PTPRO: variants seen among roughly 807,000 people sequenced by gnomAD.
PTPRO encodes protein tyrosine phosphatase receptor type O.
Under a neutral mutation model 145.2 loss-of-function variants are expected in PTPRO, and 62 were observed. That is an observed-to-expected ratio of 0.43 (90% confidence interval 0.35 to 0.53). The LOEUF (loss-of-function observed/expected upper bound fraction) is 0.53. Ranked by LOEUF, PTPRO falls within the 20% of genes least tolerant of loss-of-function variation. The pLI, the probability that PTPRO is intolerant of heterozygous loss-of-function variation, is 0.01. For synonymous variants in PTPRO, 565 were observed against 514.7 expected (o/e 1.10, Z -1.32); for missense variants, 1,345 against 1,482.7 (o/e 0.91, Z 1.53).
In PTPRO at chr12:15,565,617, G is replaced by T; in HGVS notation, c.2736G>T (p.Arg912Ser). ...NPWSKNGLKK[R>S]KLTNPVQLDD... ...GGAGTAAAAATGGTTTAAAGAAGAG[G>T]AAACTGACAAAGTAAGTTTTTCTTA... is the stretch of plus-strand genomic sequence containing the variant. Residue 912 changes from arginine to serine, a missense_variant, in exon 18 of 27, where the codon AGG becomes AGT. Arg to Ser is a moderately radical substitution (Grantham distance 110). This residue lies in a region of PTPRO where 1,130 missense variants were observed against 1,214.7 expected (regional missense o/e 0.93). Coordinates refer to ENST00000281171, the MANE Select transcript of PTPRO (RefSeq NM_030667.3). The T allele has an allele frequency of 1.4e-6, 2 of 1,453,206 alleles. No homozygotes were observed. The highest frequency in any genetic ancestry group is 1.1e-5 in the South Asian group (1 of 87,050). The allele number at this position is 1,453,206 out of a possible 1,614,324, so 90.0% of individuals were successfully genotyped here. A position where few individuals can be genotyped will look rare whatever the true frequency, so the allele number is the denominator to read the frequency against.
At position 15,524,256 on chromosome 12, in the gene PTPRO, G is replaced by A. The variant is rs552728012; in HGVS notation, c.1892-558G>A. 1.9e-4 allele frequency among the ~76,000 whole-genome samples: 29 copies of A among 151,368 alleles called. No individual in the cohort carries two copies. The South Asian group carries it at 2.7e-3, about 14-fold the overall frequency. ...GAGCCTGTTTTCTGCAAAGCACTGG[G>A]CTAGACACTGTCAAAAATAATGTCT... On this transcript the variant is annotated intron_variant, in intron 10 of 26. Coordinates refer to ENST00000281171, the MANE Select transcript of PTPRO (RefSeq NM_030667.3).
chr12:15,413,362 C>T (rs971242103), intron 1 of PTPRO, among the ~76,000 whole-genome samples: 8 of 152,186 alleles, frequency 5.3e-5, no homozygotes, highest in Middle Eastern at 3.4e-3. Context: ...TTTCTCAAAG[C>T]GCTGGGATTA....
intron 22 of PTPRO, 111 bp from the exon 23 acceptor site, chr12:15,581,568 A>G (rs1944317995): frequency 7.7e-7 from 1 of 1,293,242 alleles, no homozygotes; most frequent in Non-Finnish European, 1.1e-6. Flanking sequence ...CATCTTCACC[A>G]CGGTCCTATC....
intron 10 of PTPRO, among the ~76,000 whole-genome samples, chr12:15,522,678 A>C (rs1408730974): frequency 6.6e-6 from 1 of 152,198 alleles, no homozygotes; most frequent in African/African-American, 2.4e-5. Context: ...ATTTATTAGG[A>C]ACTCAAGTCT....
intron 9 of PTPRO, among the ~76,000 whole-genome samples, chr12:15,518,902 T>C (rs1942654025): frequency 6.6e-6 from 1 of 152,178 alleles, no homozygotes; most frequent in African/African-American, 2.4e-5. Context: ...CACATTTTAC[T>C]GTCTTCTGAG....
chr12:15,407,275 G>C (rs545002771), intron 1 of PTPRO, among the ~76,000 whole-genome samples: 1 of 152,252 alleles, frequency 6.6e-6, no homozygotes, highest in South Asian at 2.1e-4. Flanking sequence ...CTGGACCCTG[G>C]TGTGGCTGCT....
chr12:15,360,744 C>A (rs1401058649), intron 1 of PTPRO, among the ~76,000 whole-genome samples: 1 of 141,502 alleles, frequency 7.1e-6, no homozygotes, highest in Non-Finnish European at 1.5e-5. Flanking sequence ...AACACACACA[C>A]TATGTGTGTG....
chr12:15,466,145 C>CT (rs1428768030), intron 1 of PTPRO, among the ~76,000 whole-genome samples: 1 of 151,952 alleles, frequency 6.6e-6, no homozygotes, highest in African/African-American at 2.4e-5. Context: ...TAATCAAAAT[C>CT]TTTTTGTTCA....
intron 1 of PTPRO, among the ~76,000 whole-genome samples, chr12:15,342,141 A>T (rs143142309): frequency 1.1e-3 from 160 of 152,290 alleles, no homozygotes; most frequent in African/African-American, 3.1e-3. Context: ...TTCTTTTTAT[A>T]AACTAAAGTT....
Position 15,526,248 on chromosome 12 carries a change from GC to G in PTPRO, c.2152del (p.Val719SerfsTer3). 1 of 1,613,920 alleles carries G rather than the reference GC, an allele frequency of 6.2e-7. No individual in the cohort carries two copies. The highest frequency in any genetic ancestry group is 1.1e-5 in the South Asian group (1 of 91,074). Reference sequence around the variant, plus strand: ...AGAGGAAGTAATACCTCCATGCTCCGCCTTGTCAAGCTAGGTAAGAAGAGTG... The same window carrying G: ...AGAGGAAGTAATACCTCCATGCTCCGCTTGTCAAGCTAGGTAAGAAGAGTG... ...TERGSNTSML[R>X]LVKLEPAPPK... On this transcript the variant is annotated frameshift_variant, in exon 12 of 27. Coordinates refer to ENST00000281171, the MANE Select transcript of PTPRO (RefSeq NM_030667.3). LOFTEE classifies it high-confidence loss of function.
chr12:15,497,244 G>C lies in PTPRO; in HGVS notation c.350-1G>C. ...TTTCTCCATTTACTTCACTTCTGTAGAACCTCTACCTGTAACCAGTGTTTC... is the reference window on the plus strand; with the variant it reads ...TTTCTCCATTTACTTCACTTCTGTACAACCTCTACCTGTAACCAGTGTTTC... On this transcript the variant is annotated splice_acceptor_variant, in intron 2 of 26. Transcript: ENST00000281171. LOFTEE classifies it high-confidence loss of function. 1 of 1,561,802 alleles carries C rather than the reference G, an allele frequency of 6.4e-7. No homozygotes were observed. The highest frequency in any genetic ancestry group is 2.2e-5 in the East Asian group (1 of 44,520).
intron 6 of PTPRO, among the ~76,000 whole-genome samples, chr12:15,507,634 G>A (rs1942350839): frequency 6.6e-6 from 1 of 152,090 alleles, no homozygotes; most frequent in Admixed American, 6.5e-5. Context: ...TCACTGACCT[G>A]CCAGGAACAA....
chr12:15,411,658 T>C (rs1939803940), intron 1 of PTPRO, among the ~76,000 whole-genome samples: 1 of 152,242 alleles, frequency 6.6e-6, no homozygotes, highest in African/African-American at 2.4e-5. Context: ...TCTCAGATCT[T>C]GCCGGACTTA....
chr12:15,333,640 G>T (rs1236074725), intron 1 of PTPRO, among the ~76,000 whole-genome samples: 1 of 152,208 alleles, frequency 6.6e-6, no homozygotes, highest in Non-Finnish European at 1.5e-5. Context: ...AGGAGGGAGG[G>T]TCTATCAGGC....
intron 8 of PTPRO, among the ~76,000 whole-genome samples, chr12:15,516,518 AAAAAG>A (rs3085509): frequency 7.4e-6 from 1 of 135,098 alleles, no homozygotes; most frequent in African/African-American, 2.8e-5. Flanking sequence ...AGAAAGAAAG[AAAAAG>A]AAAAGAAAAG....
intron 1 of PTPRO, among the ~76,000 whole-genome samples, chr12:15,432,364 T>C (rs553442187): frequency 1.3e-5 from 2 of 152,256 alleles, no homozygotes; most frequent in South Asian, 4.1e-4. Flanking sequence ...TAGTATTCTA[T>C]GATGTATATA....
At chr12:15,528,764 G>T (rs1273621185) in intron 12 of PTPRO, among the ~76,000 whole-genome samples, 1 of 152,002 alleles carries the variant, frequency 6.6e-6, no homozygotes, top group Non-Finnish European at 1.5e-5. Flanking sequence ...ACAAAGAGAA[G>T]ATCCTGAAAG....
At chr12:15,523,879 C>T (rs997499966) in intron 10 of PTPRO, among the ~76,000 whole-genome samples, 4 of 151,880 alleles carry the variant, frequency 2.6e-5, no homozygotes, top group African/African-American at 9.7e-5. Context: ...CTCACTGCAG[C>T]CTGGATCTCC....
At chr12:15,457,517 T>G (rs368338786) in intron 1 of PTPRO, among the ~76,000 whole-genome samples, 3 of 152,218 alleles carry the variant, frequency 2.0e-5, no homozygotes, top group African/African-American at 7.2e-5. Context: ...GATTTACTAT[T>G]GCCTTGTTGT....
Sources: allele counts gnomAD v4.1 joint callset (sites outside exome capture counted in the v4.1 genomes callset), GRCh38; gene constraint gnomAD v4.1.1; regional missense constraint gnomAD v4.1.1; transcripts MANE v1.5; gene names NCBI Gene and HGNC (gene_info 2026-07-23, HGNC 2026-07-21).